PDE5A: variants seen among roughly 807,000 people sequenced by gnomAD.
PDE5A encodes the protein cGMP-specific 3',5'-cyclic phosphodiesterase.
PDE5A carries 67 observed loss-of-function variants against 110.2 expected under a neutral mutation model. The observed-to-expected ratio is 0.61, with a 90% CI of 0.50 to 0.75. PDE5A has a LOEUF of 0.75. Ranked by LOEUF, PDE5A falls within the 30% of genes least tolerant of loss-of-function variation. The pLI, the probability that PDE5A is intolerant of heterozygous loss-of-function variation, is 0.00. For missense variants in PDE5A, 862 were observed against 1,045.1 expected (o/e 0.82, Z 2.42); for synonymous variants, 328 against 351.2 (o/e 0.93, Z 0.74).
intron 12 of PDE5A, among the ~76,000 whole-genome samples, chr4:119,522,705 T>A (rs1325659588): frequency 6.6e-6 from 1 of 152,058 alleles, no homozygotes; most frequent in Non-Finnish European, 1.5e-5. Flanking sequence ...AGTACCTATA[T>A]TTAAGTACAG....
intron 3 of PDE5A, among the ~76,000 whole-genome samples, chr4:119,581,100 T>C (rs1180124893): frequency 6.6e-6 from 1 of 152,218 alleles, no homozygotes; most frequent in African/African-American, 2.4e-5. Context: ...CATGTCTCTA[T>C]AGCCTTGTAA....
chr4:119,574,043 G>A (rs925067905), intron 3 of PDE5A, among the ~76,000 whole-genome samples: 15 of 152,002 alleles, frequency 9.9e-5, no homozygotes, highest in African/African-American at 3.6e-4. Flanking sequence ...AGAGCAATCT[G>A]ATGTTCAGAA....
At chr4:119,594,403 A>G (rs760991385) in intron 3 of PDE5A, among the ~76,000 whole-genome samples, 13 of 152,166 alleles carry the variant, frequency 8.5e-5, no homozygotes, top group Non-Finnish European at 1.5e-4. Flanking sequence ...AAATATCCTT[A>G]ATAACTAAAA....
At chr4:119,587,274 C>G (rs1222959107) in intron 3 of PDE5A, among the ~76,000 whole-genome samples, 1 of 149,844 alleles carries the variant, frequency 6.7e-6, no homozygotes, top group Non-Finnish European at 1.5e-5. Context: ...AAGATCTCGG[C>G]TCACTGCAAC....
chr4:119,530,640 T>C (rs1456858596), intron 11 of PDE5A, among the ~76,000 whole-genome samples: 1 of 152,172 alleles, frequency 6.6e-6, no homozygotes, highest in Non-Finnish European at 1.5e-5. Context: ...TATGACTTTT[T>C]ATTCACTGTT....
chr4:119,564,490 T>A (rs1030130951), intron 5 of PDE5A, among the ~76,000 whole-genome samples: 1 of 152,134 alleles, frequency 6.6e-6, no homozygotes, highest in Non-Finnish European at 1.5e-5. Context: ...ATGACACTAG[T>A]GTAGCAGGCA....
intron 2 of PDE5A, among the ~76,000 whole-genome samples, chr4:119,602,272 A>G (rs956728579): frequency 2.0e-5 from 3 of 152,228 alleles, no homozygotes; most frequent in Non-Finnish European, 4.4e-5. Flanking sequence ...TAATAAGCAT[A>G]TATTCCTTAT....
intron 17 of PDE5A, 26 bp downstream of exon 17, chr4:119,505,829 G>T: frequency 1.5e-6 from 2 of 1,345,960 alleles, no homozygotes; most frequent in Non-Finnish European, 2.1e-6. Context: ...AAAAACTTCA[G>T]CTTTAAAGAT....
chr4:119,511,530 C>T (rs1031056320), intron 14 of PDE5A, among the ~76,000 whole-genome samples: 2 of 152,102 alleles, frequency 1.3e-5, no homozygotes, highest in Non-Finnish European at 2.9e-5. Flanking sequence ...TTCATGTTAG[C>T]TTTTCCTCTG....
At chr4:119,500,047 T>C (rs1424625555) in intron 20 of PDE5A, 1 of 152,052 alleles carries the variant, frequency 6.6e-6, no homozygotes, top group Non-Finnish European at 1.5e-5. Flanking sequence ...TTTACAGGGA[T>C]GGAGAAAACT....
rs1727891113 is a variant in PDE5A, at chr4:119,565,377, C to G, written c.937G>C (p.Val313Leu). 6.2e-7 allele frequency: 1 copy of G among 1,612,054 alleles called. No individual in the cohort carries two copies. The highest frequency in any genetic ancestry group is 1.3e-5 in the African/African-American group (1 of 74,806). ...FAAYLAFCGI[V>L]LHNAQLYETS... Reference sequence around the variant, plus strand: ...TCATAGAGCTGAGCATTATGAAGAACAATACCACAAAATGCCAAATAAGCA... The same window carrying G: ...TCATAGAGCTGAGCATTATGAAGAAGAATACCACAAAATGCCAAATAAGCA... Residue 313 changes from valine to leucine, a missense_variant, in exon 5 of 21, where the codon GTT becomes CTT. Val to Leu is a conservative substitution (Grantham distance 32, BLOSUM62 1). Transcript: ENST00000354960.
At chr4:119,545,070 T>C (rs1189148956) in intron 9 of PDE5A, among the ~76,000 whole-genome samples, 1 of 152,168 alleles carries the variant, frequency 6.6e-6, no homozygotes, top group East Asian at 1.9e-4. Context: ...ATCATCCATC[T>C]AGGCATATAA....
chr4:119,510,908 G>C (rs1231774820), intron 15 of PDE5A, 139 bp downstream of exon 15: 3 of 545,208 alleles, frequency 5.5e-6, no homozygotes, highest in Non-Finnish European at 1.0e-5. Flanking sequence ...CAAATGTTTT[G>C]GCTTCGCCTT....
intron 4 of PDE5A, 112 bp from the exon 5 acceptor site, chr4:119,565,522 T>C: frequency 1.4e-6 from 1 of 702,708 alleles, no homozygotes. Context: ...GAATAGATGT[T>C]TGTTCTACAT....
At chr4:119,519,228 T>C (rs1334556385) in intron 13 of PDE5A, 89 bp from the exon 14 acceptor site, 4 of 928,154 alleles carry the variant, frequency 4.3e-6, no homozygotes, top group Middle Eastern at 2.1e-4. Context: ...ATCTTTTTTT[T>C]CCCCTCAGTG....
rs554928893 is a variant in PDE5A, at chr4:119,528,964, G to A, written c.1633-3269C>T. Among the ~76,000 whole-genome samples the A allele has an allele frequency of 4.9e-4, 74 of 152,238 alleles. 1 individual carries two copies. The highest frequency in any genetic ancestry group is 6.8e-3 in the Middle Eastern group (2 of 294). ...TTTGGTCCTGCTTCCTCACAGGTAG[G>A]AGGAGGGATATTTCACAGCTCCTGG... On this transcript the variant is annotated intron_variant, in intron 11 of 20. Transcript: ENST00000354960.
At chr4:119,499,205 A>G (rs2110448224) in intron 20 of PDE5A, among the ~76,000 whole-genome samples, 1 of 152,322 alleles carries the variant, frequency 6.6e-6, no homozygotes, top group Admixed American at 6.5e-5. Flanking sequence ...TGTACCAATT[A>G]TAGTGCCATA....
intron 6 of PDE5A, among the ~76,000 whole-genome samples, chr4:119,560,966 A>G (rs908231850): frequency 8.5e-5 from 13 of 152,312 alleles, no homozygotes; most frequent in African/African-American, 3.1e-4. Context: ...CTAAAAATAC[A>G]AAAATTAGCT....
intron 1 of PDE5A, among the ~76,000 whole-genome samples, chr4:119,628,260 C>G (rs1015538261): frequency 8.1e-6 from 1 of 123,790 alleles, no homozygotes; most frequent in African/African-American, 2.8e-5. Flanking sequence ...TAATCATGTT[C>G]CCGGGGAATA....
Sources: gnomAD v4.1 joint callset for allele counts (sites outside exome capture counted in the v4.1 genomes callset) on GRCh38, gnomAD v4.1.1 for gene constraint, MANE v1.5 for transcripts, NCBI Gene and HGNC (gene_info 2026-07-23, HGNC 2026-07-21) for gene names.